PXDNL: variants seen among roughly 807,000 people sequenced by gnomAD.
PXDNL encodes the protein peroxidasin like.
PXDNL carries 145 observed loss-of-function variants against 150.8 expected under a neutral mutation model. That is an observed-to-expected ratio of 0.96 (90% CI 0.84 to 1.10). The LOEUF (loss-of-function observed/expected upper bound fraction) is 1.10, where lower values mean the gene tolerates loss of function less well. Among genes scored for constraint, PXDNL ranks in the 50% least tolerant of loss-of-function variants. The pLI is 0.00. For missense variants in PXDNL, 2,087 were observed against 1,873.9 expected, an observed-to-expected ratio of 1.11 and a Z score of -2.10; for synonymous variants, 757 against 725.7, an observed-to-expected ratio of 1.04 and a Z score of -0.69.
At position 51,453,732 on chromosome 8, in the gene PXDNL, TG is replaced by T; in HGVS notation, c.1035del (p.Ser346AlafsTer68). 1 of 1,614,056 alleles carries T rather than the reference TG, an allele frequency of 6.2e-7. No homozygotes were observed. The highest frequency in any genetic ancestry group is 1.1e-5 in the South Asian group (1 of 91,088). On this transcript the variant is annotated frameshift_variant, in exon 10 of 23. Transcript: ENST00000356297. LOFTEE classifies it high-confidence loss of function. The part of the protein sequence containing the change: ...QPQDTEVLIG[T>X]STTLECMATG... ...GTGGCCATACATTCCAAAGTTGTGCTGGTGCCAATTAAAACCTCTGTGTCCT... is the reference window on the plus strand; with the variant it reads ...GTGGCCATACATTCCAAAGTTGTGCTGTGCCAATTAAAACCTCTGTGTCCT...
Position 51,677,485 on chromosome 8 carries a change from T to A in PXDNL, c.165-22725A>T, listed in dbSNP as rs188984196. On this transcript the variant is annotated intron_variant, in intron 1 of 22. Coordinates refer to ENST00000356297, the MANE Select transcript of PXDNL (RefSeq NM_144651.5). ...ACAGTGACTGACCAGTTCCAGTGCA[T>A]AAAATGACTCAATCCAGAGTTATCT... Among the ~76,000 whole-genome samples, 67 of 152,316 alleles carry A rather than the reference T, an allele frequency of 4.4e-4. 1 individual carries two copies. In the East Asian group the frequency reaches 0.01, roughly 23 times the overall value.
intron 3 of PXDNL, among the ~76,000 whole-genome samples, chr8:51,570,259 T>G (rs112537607): frequency 0.071 from 10,748 of 151,918 alleles, 968 homozygotes; most frequent in African/African-American, 0.22. Context: ...ACGCTGTGGG[T>G]TCCACTAGGT....
chr8:51,638,620 G>C (rs1327820707), intron 2 of PXDNL, among the ~76,000 whole-genome samples: 1 of 152,132 alleles, frequency 6.6e-6, no homozygotes, highest in African/African-American at 2.4e-5. Flanking sequence ...TTACATAACA[G>C]TAAAGGGATC....
intron 17 of PXDNL, among the ~76,000 whole-genome samples, chr8:51,397,706 G>A (rs1277775265): frequency 2.0e-5 from 3 of 152,116 alleles, no homozygotes; most frequent in African/African-American, 7.2e-5. Context: ...CATTGCAGGA[G>A]GACATAAAGA....
intron 21 of PXDNL, among the ~76,000 whole-genome samples, chr8:51,322,066 G>T (rs1277738084): frequency 6.6e-6 from 1 of 152,212 alleles, no homozygotes. Flanking sequence ...CGAAGGCCAT[G>T]TGAGGACACA....
chr8:51,638,312 C>A (rs1300959373), intron 2 of PXDNL, among the ~76,000 whole-genome samples: 3 of 152,134 alleles, frequency 2.0e-5, no homozygotes, highest in African/African-American at 7.2e-5. Flanking sequence ...AAATAACCAG[C>A]TAACATCATA....
chr8:51,471,094 C>G (rs1585498538), intron 8 of PXDNL, among the ~76,000 whole-genome samples: 1 of 117,672 alleles, frequency 8.5e-6, no homozygotes. Flanking sequence ...ATCCGTCTGA[C>G]AAAGGGCTAA....
chr8:51,377,585 G>T (rs928105408), intron 17 of PXDNL, among the ~76,000 whole-genome samples: 1 of 152,202 alleles, frequency 6.6e-6, no homozygotes, highest in Non-Finnish European at 1.5e-5. Context: ...CCGGGTGGGC[G>T]TGGGCTCAGC....
At chr8:51,399,528 G>C (rs117091695) in intron 17 of PXDNL, among the ~76,000 whole-genome samples, 1,728 of 152,270 alleles carry the variant, frequency 0.011, 22 homozygotes, top group Non-Finnish European at 0.017. Flanking sequence ...GAGACAAAAT[G>C]AATGTACAGT....
intron 1 of PXDNL, among the ~76,000 whole-genome samples, chr8:51,780,603 T>C (rs1258312178): frequency 6.6e-6 from 1 of 151,904 alleles, no homozygotes; most frequent in South Asian, 2.1e-4. Context: ...AAATAATGGA[T>C]AGCTGAGGGA....
intron 2 of PXDNL, among the ~76,000 whole-genome samples, chr8:51,647,264 C>A (rs2130790197): frequency 6.6e-6 from 1 of 152,178 alleles, no homozygotes; most frequent in South Asian, 2.1e-4. Context: ...TTTTTATAAG[C>A]CAAATTTTCC....
At chr8:51,424,790 T>C (rs901538995) in intron 13 of PXDNL, among the ~76,000 whole-genome samples, 1 of 152,230 alleles carries the variant, frequency 6.6e-6, no homozygotes, top group Non-Finnish European at 1.5e-5. Flanking sequence ...ACTCCAGCTA[T>C]GGCCAATAGG....
rs754709020 is a variant in PXDNL, at chr8:51,408,196, T to C, written c.3428A>G (p.Gln1143Arg). The change falls in exon 17 of 23, where the codon CAA (glutamine) becomes CGA (arginine). Residue 1143 changes from glutamine to arginine, a missense_variant. Physicochemically the swap from Gln to Arg is conservative, Grantham distance 43. Transcript: ENST00000356297. ...TGGGATCCCGTGGTCTCTACCCCTT[T>C]GAATGATGGTGGCAGCCGAATCCAC... Reference protein sequence around the residue: ...AAVDSAATIIQRGRDHGIPPY... With the variant: ...AAVDSAATIIRRGRDHGIPPY... 19 of 1,614,016 alleles carry C rather than the reference T, an allele frequency of 1.2e-5. No individual in the cohort carries two copies. In the South Asian group the frequency reaches 2.0e-4, roughly 17 times the overall value.
At chr8:51,421,817 A>C (rs979121623) in intron 14 of PXDNL, among the ~76,000 whole-genome samples, 1 of 152,262 alleles carries the variant, frequency 6.6e-6, no homozygotes, top group Non-Finnish European at 1.5e-5. Flanking sequence ...CATTTTTACA[A>C]TATGGATACA....
chr8:51,681,586 T>C (rs1815751301), intron 1 of PXDNL, among the ~76,000 whole-genome samples: 3 of 152,236 alleles, frequency 2.0e-5, no homozygotes, highest in South Asian at 4.1e-4. Flanking sequence ...GCCTGGCATG[T>C]GTCCCAAGCC....
intron 2 of PXDNL, among the ~76,000 whole-genome samples, chr8:51,648,409 G>C (rs961651589): frequency 4.6e-5 from 7 of 152,198 alleles, no homozygotes; most frequent in Admixed American, 6.5e-5. Flanking sequence ...CTTAGTGAGA[G>C]ATAGAGGCAG....
At chr8:51,760,488 AC>A (rs1224020388) in intron 1 of PXDNL, among the ~76,000 whole-genome samples, 1 of 152,230 alleles carries the variant, frequency 6.6e-6, no homozygotes, top group Non-Finnish European at 1.5e-5. Context: ...ATGTACACTG[AC>A]TTACTCATTT....
Position 51,513,927 on chromosome 8 carries a change from A to C in PXDNL, c.381-14157T>G, listed in dbSNP as rs75442171. On this transcript the variant is annotated intron_variant, in intron 4 of 22. Transcript: ENST00000356297. ...ATTTATACCTCAGAGAGAACTAGAC[A>C]CAGCTTTAACCAAACCTGACCATAA... 5.8e-3 allele frequency among the ~76,000 whole-genome samples: 881 copies of C among 152,354 alleles called. 4 individuals carry two copies. The highest frequency in any genetic ancestry group is 0.027 in the Middle Eastern group (8 of 294).
intron 12 of PXDNL, among the ~76,000 whole-genome samples, chr8:51,442,110 T>A (rs1325831384): frequency 6.6e-6 from 1 of 152,090 alleles, no homozygotes; most frequent in Non-Finnish European, 1.5e-5. Context: ...CTTCCATATG[T>A]CTACTGAGTT....
Sources: gnomAD v4.1 joint callset for allele counts (sites outside exome capture counted in the v4.1 genomes callset) on GRCh38, gnomAD v4.1.1 for gene constraint, MANE v1.5 for transcripts, NCBI Gene and HGNC (gene_info 2026-07-23, HGNC 2026-07-21) for gene names.